Variants in NAV3 observed in about 807,000 individuals in gnomAD.
The protein encoded by NAV3 is pore membrane and/or filament interacting like protein 1.
A neutral mutation model predicts 244.7 loss-of-function variants in NAV3; 87 were observed. The observed-to-expected ratio is 0.36, with a 90% CI of 0.30 to 0.42. The LOEUF is 0.42. NAV3 is among the 20% of genes least tolerant of loss of function. The pLI is 1.00. For missense variants in NAV3, 2,663 were observed against 2,893.3 expected, an observed-to-expected ratio of 0.92 and a Z score of 1.83; for synonymous variants, 1,126 against 1,042.2, an observed-to-expected ratio of 1.08 and a Z score of -1.55.
At chr12:77,769,340 A>G (rs572357328) in intron 2 of NAV3, among the ~76,000 whole-genome samples, 10 of 152,342 alleles carry the variant, frequency 6.6e-5, no homozygotes, top group African/African-American at 2.4e-4. Flanking sequence ...CCTTAGACAT[A>G]TGTAAAATGC....
chr12:77,683,642 A>G (rs924239179), intron 2 of NAV3, among the ~76,000 whole-genome samples: 1 of 152,146 alleles, frequency 6.6e-6, no homozygotes, highest in African/African-American at 2.4e-5. Context: ...ATTATTTTAA[A>G]CAATATTTTT....
In NAV3 at chr12:78,090,015, A is replaced by G. The variant is rs568602595; in HGVS notation, c.2637-26757A>G. Among the ~76,000 whole-genome samples the G allele has an allele frequency of 2.1e-4, 32 of 152,046 alleles. No individual in the cohort carries two copies. In the South Asian group the frequency reaches 5.6e-3, roughly 27 times the overall value. On this transcript the variant is annotated intron_variant, in intron 12 of 39. Coordinates refer to ENST00000397909, the MANE Select transcript of NAV3 (RefSeq NM_001024383.2). Reference sequence around the variant, plus strand: ...GACATTTATATGATCTTGTTTGCATATTTTATTAATTTACCTCTATTGCCT... The same window carrying G: ...GACATTTATATGATCTTGTTTGCATGTTTTATTAATTTACCTCTATTGCCT...
chr12:77,739,391 A>G (rs1447764275), intron 2 of NAV3, among the ~76,000 whole-genome samples: 1 of 151,110 alleles, frequency 6.6e-6, no homozygotes, highest in Non-Finnish European at 1.5e-5. Flanking sequence ...TGCTGTGTAT[A>G]GCGCATATCT....
chr12:78,030,628 C>G (rs1046222252), intron 9 of NAV3, among the ~76,000 whole-genome samples: 3 of 152,160 alleles, frequency 2.0e-5, no homozygotes, highest in Non-Finnish European at 2.9e-5. Context: ...TATCACCTGG[C>G]ATCTTACACA....
intron 2 of NAV3, among the ~76,000 whole-genome samples, chr12:77,800,957 A>T (rs1871674549): frequency 6.6e-6 from 1 of 152,164 alleles, no homozygotes; most frequent in Non-Finnish European, 1.5e-5. Context: ...ATTTTATTAA[A>T]GAAGTAATTA....
chr12:78,162,173 A>G (rs1957571225), intron 23 of NAV3, among the ~76,000 whole-genome samples: 1 of 152,174 alleles, frequency 6.6e-6, no homozygotes, highest in Non-Finnish European at 1.5e-5. Context: ...ACATTTAATC[A>G]TATTTCACTA....
intron 3 of NAV3, among the ~76,000 whole-genome samples, chr12:77,963,008 G>A (rs1201813778): frequency 6.7e-6 from 1 of 149,910 alleles, no homozygotes; most frequent in Admixed American, 6.7e-5. Flanking sequence ...AATATGATTT[G>A]AATTTTGTTA....
intron 2 of NAV3, among the ~76,000 whole-genome samples, chr12:77,631,686 C>A (rs970326306): frequency 2.0e-5 from 3 of 152,156 alleles, no homozygotes; most frequent in Non-Finnish European, 4.4e-5. Context: ...CACCCCTTCA[C>A]ATGGATTATG....
At chr12:77,966,178 T>G in intron 3 of NAV3, 51 bp from the exon 4 acceptor site, 1 of 1,465,586 alleles carries the variant, frequency 6.8e-7, no homozygotes, top group Non-Finnish European at 9.5e-7. Context: ...CACATGTATT[T>G]GTTAAAATAT....
intron 16 of NAV3, among the ~76,000 whole-genome samples, chr12:78,126,693 T>A (rs755409807): frequency 5.3e-5 from 8 of 152,160 alleles, no homozygotes; most frequent in Non-Finnish European, 7.4e-5. Flanking sequence ...AAATGGGAAA[T>A]AAACATGCCT....
At chr12:78,142,694 C>A (rs12814748) in intron 20 of NAV3, among the ~76,000 whole-genome samples, 1 of 70,106 alleles carries the variant, frequency 1.4e-5, no homozygotes, top group Non-Finnish European at 3.0e-5. Context: ...TATATATATA[C>A]ATATGTATGT....
chr12:77,676,559 C>CTT (rs35737201), intron 2 of NAV3, among the ~76,000 whole-genome samples: 115,627 of 145,062 alleles, frequency 0.8, 47,828 homozygotes, highest in East Asian at 0.96. Context: ...CCTTTAAAGC[C>CTT]TTTTTTTTTT....
chr12:77,801,333 G>A (rs1026805589), intron 2 of NAV3, among the ~76,000 whole-genome samples: 1 of 151,972 alleles, frequency 6.6e-6, no homozygotes, highest in Non-Finnish European at 1.5e-5. Context: ...GTAGTTTTAG[G>A]TATGTGCTGG....
chr12:77,734,333 C>A (rs774403943), intron 2 of NAV3, among the ~76,000 whole-genome samples: 8 of 151,738 alleles, frequency 5.3e-5, no homozygotes, highest in Non-Finnish European at 1.0e-4. Flanking sequence ...ATCTTTATGA[C>A]AACTGTGAAG....
At chr12:77,794,223 A>C (rs1278442194) in intron 2 of NAV3, among the ~76,000 whole-genome samples, 1 of 152,150 alleles carries the variant, frequency 6.6e-6, no homozygotes, top group African/African-American at 2.4e-5. Flanking sequence ...TATATCATCT[A>C]TTTAAGGTAT....
At chr12:77,788,458 C>T (rs534561012) in intron 2 of NAV3, among the ~76,000 whole-genome samples, 1 of 152,228 alleles carries the variant, frequency 6.6e-6, no homozygotes, top group East Asian at 1.9e-4. Flanking sequence ...GTTTCTTAAC[C>T]TCTCTGCACT....
intron 18 of NAV3, among the ~76,000 whole-genome samples, chr12:78,130,010 A>G (rs1020821197): frequency 6.6e-6 from 1 of 152,220 alleles, no homozygotes; most frequent in Admixed American, 6.5e-5. Flanking sequence ...CTGAAAATAA[A>G]CATAATTTCA....
intron 2 of NAV3, among the ~76,000 whole-genome samples, chr12:77,662,448 A>G (rs573929389): frequency 4.6e-5 from 7 of 151,978 alleles, no homozygotes; most frequent in African/African-American, 1.7e-4. Context: ...TTGTATATTG[A>G]TCTTGTAAAC....
chr12:77,844,831 C>G (rs1752829757), intron 1 of NAV3, among the ~76,000 whole-genome samples: 1 of 152,170 alleles, frequency 6.6e-6, no homozygotes, highest in Non-Finnish European at 1.5e-5. Context: ...CACTAAACTT[C>G]TAGTCAGGTG....
Sources: gnomAD v4.1 joint callset for allele counts (sites outside exome capture counted in the v4.1 genomes callset) on GRCh38, gnomAD v4.1.1 for gene constraint, MANE v1.5 for transcripts, NCBI Gene and HGNC (gene_info 2026-07-23, HGNC 2026-07-21) for gene names.